C10orf67: variants seen among roughly 807,000 people sequenced by gnomAD.
The protein encoded by C10orf67 is chromosome 10 open reading frame 67, also known as uncharacterized protein C10orf67, mitochondrial.
C10orf67 carries 60 observed loss-of-function variants against 35.6 expected under a neutral mutation model. The ratio of observed to expected loss-of-function variants is 1.68; its 90% CI spans 1.37 to 2.09. The LOEUF (loss-of-function observed/expected upper bound fraction) is 2.09, where lower values mean the gene tolerates loss of function less well. Ranked by LOEUF, C10orf67 falls within the 30% of genes most tolerant of loss-of-function variation. The pLI is 0.00. For missense variants in C10orf67, 474 were observed against 330.2 expected (o/e 1.44, Z -3.38); for synonymous variants, 167 against 115.8 (o/e 1.44, Z -2.84).
chr10:23,233,404 T>C (rs1032597578), intron 13 of C10orf67, among the ~76,000 whole-genome samples: 1 of 152,166 alleles, frequency 6.6e-6, no homozygotes, highest in African/African-American at 2.4e-5. Flanking sequence ...GTGGGTAGAA[T>C]ACTTCCTCCA....
intron 13 of C10orf67, among the ~76,000 whole-genome samples, chr10:23,234,528 G>A (rs1588599493): frequency 6.6e-6 from 1 of 152,126 alleles, no homozygotes; most frequent in African/African-American, 2.4e-5. Flanking sequence ...CCTACCAGAG[G>A]GAGGAGGATG....
At chr10:23,239,337 C>T (rs905049989) in intron 13 of C10orf67, among the ~76,000 whole-genome samples, 1 of 152,124 alleles carries the variant, frequency 6.6e-6, no homozygotes, top group Non-Finnish European at 1.5e-5. Flanking sequence ...AACAGATTCT[C>T]CTATCTTCTT....
intron 13 of C10orf67, among the ~76,000 whole-genome samples, chr10:23,226,792 T>C (rs1033197345): frequency 3.9e-5 from 6 of 152,042 alleles, no homozygotes; most frequent in Non-Finnish European, 7.4e-5. Context: ...CAAACTACCA[T>C]CACAGAATAC....
At chr10:23,225,348 C>T (rs1417174358) in intron 13 of C10orf67, among the ~76,000 whole-genome samples, 3 of 152,088 alleles carry the variant, frequency 2.0e-5, no homozygotes, top group African/African-American at 7.2e-5. Flanking sequence ...CAGGCCTGCC[C>T]TAAAAGAGCT....
chr10:23,256,441 G>A (rs1458677776), intron 10 of C10orf67, among the ~76,000 whole-genome samples: 2 of 152,100 alleles, frequency 1.3e-5, no homozygotes, highest in Non-Finnish European at 2.9e-5. Context: ...TAGAGAGCTG[G>A]GGTTACACCC....
chr10:23,335,275 C>T (rs996707764), intron 1 of C10orf67, among the ~76,000 whole-genome samples: 3 of 152,040 alleles, frequency 2.0e-5, no homozygotes, highest in African/African-American at 7.2e-5. Flanking sequence ...TGTCATACCT[C>T]CAGTCTCCCT....
chr10:23,257,936 C>G (rs1842647115), intron 10 of C10orf67, among the ~76,000 whole-genome samples: 1 of 152,104 alleles, frequency 6.6e-6, no homozygotes, highest in African/African-American at 2.4e-5. Context: ...TATGTATACA[C>G]ACATATGTGT....
chr10:23,341,941 G>T (rs1845905104), intron 1 of C10orf67, among the ~76,000 whole-genome samples: 1 of 152,292 alleles, frequency 6.6e-6, no homozygotes, highest in South Asian at 2.1e-4. Context: ...GGAGGCCGAG[G>T]CTGGAGGACT....
intron 4 of C10orf67, among the ~76,000 whole-genome samples, chr10:23,306,530 G>GAAAAA (rs61468201): frequency 2.7e-4 from 15 of 56,214 alleles, no homozygotes; most frequent in East Asian, 1.1e-3. Context: ...CTCCATCTCA[G>GAAAAA]AAAAAAAAAA....
At chr10:23,248,285 G>T (rs1842366275) in intron 12 of C10orf67, among the ~76,000 whole-genome samples, 1 of 152,230 alleles carries the variant, frequency 6.6e-6, no homozygotes, top group Non-Finnish European at 1.5e-5. Flanking sequence ...CATCAGCCTG[G>T]TAGGGATATG....
chr10:23,321,779 C>T (rs1015065889), intron 3 of C10orf67, among the ~76,000 whole-genome samples: 2 of 152,044 alleles, frequency 1.3e-5, no homozygotes, highest in African/African-American at 2.4e-5. Flanking sequence ...TAGTAATGTC[C>T]GTTTGTTTTG....
chr10:23,344,346 G>C, intron 1 of C10orf67: 1 of 586,104 alleles, frequency 1.7e-6, no homozygotes, highest in Non-Finnish European at 3.0e-6. Flanking sequence ...GGGAGGAGGG[G>C]AGTGGAGAGG....
intron 4 of C10orf67, among the ~76,000 whole-genome samples, chr10:23,313,931 A>G (rs1844592502): frequency 6.6e-6 from 1 of 152,184 alleles, no homozygotes; most frequent in Non-Finnish European, 1.5e-5. Flanking sequence ...AATGAAGACC[A>G]AAAGGGATAA....
chr10:23,207,988 C>T (rs760551052), intron 15 of C10orf67, among the ~76,000 whole-genome samples: 2 of 152,210 alleles, frequency 1.3e-5, no homozygotes, highest in Non-Finnish European at 2.9e-5. Flanking sequence ...TCCCCACCCC[C>T]CTCTTTATGA....
rs79506915 is a variant in C10orf67 at position 23,223,219 on chromosome 10, T to G, written c.1570+379A>C. Reference sequence around the variant, plus strand: ...CTCCTGATTAGCCTGGACTACAGGTTCATGCCACCATGCCTGGCTAATTTT... The same window carrying G: ...CTCCTGATTAGCCTGGACTACAGGTGCATGCCACCATGCCTGGCTAATTTT... On this transcript the variant is annotated intron_variant, in intron 15 of 15. Coordinates refer to ENST00000636213, the MANE Select transcript of C10orf67 (RefSeq NM_001371909.1). 8.8e-3 allele frequency among the ~76,000 whole-genome samples: 1,334 copies of G among 152,178 alleles called. 23 individuals carry two copies. Among genetic ancestry groups the G allele is most frequent in the African/African-American group, 0.029 (1,221 of 41,534 alleles).
chr10:23,255,271 T>C, intron 10 of C10orf67, among the ~76,000 whole-genome samples: 1 of 152,228 alleles, frequency 6.6e-6, no homozygotes, highest in East Asian at 1.9e-4. Context: ...TATCTACATA[T>C]ATCACTTGTG....
rs117912677 is a variant in C10orf67, at chr10:23,332,410, C to T, written c.327+652G>A. Reference sequence around the variant, plus strand: ...AATCAAAAAAGATCCAGGCCAGGCACGATGGCTCACACCTGTAATCTCAGT... The same window carrying T: ...AATCAAAAAAGATCCAGGCCAGGCATGATGGCTCACACCTGTAATCTCAGT... On this transcript the variant is annotated intron_variant, in intron 2 of 15. Transcript: ENST00000636213. Among the ~76,000 whole-genome samples, 162 of 152,260 alleles carry T rather than the reference C, an allele frequency of 1.1e-3. 1 individual carries two copies. The highest frequency in any genetic ancestry group is 1.9e-3 in the Non-Finnish European group (130 of 68,024).
chr10:23,228,542 C>G (rs532079149), intron 13 of C10orf67, among the ~76,000 whole-genome samples: 14 of 152,152 alleles, frequency 9.2e-5, no homozygotes, highest in South Asian at 2.1e-4. Context: ...AGGACTTCAT[C>G]TCTAAAACAC....
intron 8 of C10orf67, among the ~76,000 whole-genome samples, chr10:23,281,116 AT>A (rs1168879572): frequency 1.3e-5 from 2 of 152,134 alleles, no homozygotes; most frequent in African/African-American, 4.8e-5. Flanking sequence ...CCAACCATAA[AT>A]TTTTTTCGTT....
Sources: gnomAD v4.1 joint callset for allele counts (sites outside exome capture counted in the v4.1 genomes callset) on GRCh38, gnomAD v4.1.1 for gene constraint, MANE v1.5 for transcripts, NCBI Gene and HGNC (gene_info 2026-07-23, HGNC 2026-07-21) for gene names.